Variants in AKNAD1 observed in about 807,000 individuals in gnomAD.
The protein encoded by AKNAD1 is AKNA domain containing 1, also known as protein AKNAD1.
In AKNAD1, 67 loss-of-function variants were observed where a neutral mutation model predicts 90.8. That is an observed-to-expected ratio of 0.74 (90% CI 0.61 to 0.90). The LOEUF (loss-of-function observed/expected upper bound fraction) is 0.90, where lower values mean the gene tolerates loss of function less well. Among genes scored for constraint, AKNAD1 ranks in the 40% least tolerant of loss-of-function variants. The pLI, the probability that AKNAD1 is intolerant of heterozygous loss-of-function variation, is 0.00. For missense variants in AKNAD1, 957 were observed against 975.4 expected (o/e 0.98, Z 0.25); for synonymous variants, 327 against 341.4 (o/e 0.96, Z 0.46).
chr1:108,852,142 T>C lies in AKNAD1; in HGVS notation c.523A>G (p.Lys175Glu). 1 of 1,614,176 alleles carries C rather than the reference T, an allele frequency of 6.2e-7. No individual in the cohort carries two copies. The highest frequency in any genetic ancestry group is 8.5e-7 in the Non-Finnish European group (1 of 1,180,038). The change falls in exon 2 of 16, where the codon AAA becomes GAA. Residue 175 changes from lysine (K) to glutamate (E), a missense_variant. Physicochemically the swap from Lys to Glu is moderately conservative, Grantham distance 56. Transcript: ENST00000370001. Reference sequence around the variant, plus strand: ...TTATTGCTGTTTTCACCATCCCTTTTCGGGTTGAGTTGGTCAGTGAGTTCT... The same window carrying C: ...TTATTGCTGTTTTCACCATCCCTTTCCGGGTTGAGTTGGTCAGTGAGTTCT... Reference protein sequence around the residue: ...TPELTDQLNPKRDGENSNKPG... With the variant: ...TPELTDQLNPERDGENSNKPG...
At chr1:108,830,485 C>T in intron 10 of AKNAD1, 74 bp downstream of exon 10, 2 of 1,432,222 alleles carry the variant, frequency 1.4e-6, no homozygotes, top group Non-Finnish European at 2.0e-6. Context: ...TAGTTGCCGC[C>T]CACTCTCACT....
At position 108,826,737 on chromosome 1, in the gene AKNAD1, TTTTTC is replaced by T. The variant is rs1220473758; in HGVS notation, c.1936+463_1936+467del. Among the ~76,000 whole-genome samples, 428 of 99,326 alleles carry T rather than the reference TTTTTC, an allele frequency of 4.3e-3. 4 individuals carry two copies. Among genetic ancestry groups the T allele is most frequent in the African/African-American group, 0.017 (396 of 23,652 alleles). The allele number at this position is 99,326 out of a possible 152,430, so 65.2% of individuals were successfully genotyped here. On this transcript the variant is annotated intron_variant, in intron 11 of 15. Coordinates refer to ENST00000370001, the MANE Select transcript of AKNAD1 (RefSeq NM_152763.5). Reference sequence around the variant, plus strand: ...GTGATTCTTTTTTTCTTTTCTTTTCTTTTTCTTTTTTTTTTTTTTTGAAACAGGGT... The same window carrying T: ...GTGATTCTTTTTTTCTTTTCTTTTCTTTTTTTTTTTTTTTTGAAACAGGGT...
intron 1 of AKNAD1, 27 bp from the exon 2 acceptor site, chr1:108,852,794 G>T: frequency 1.3e-6 from 1 of 765,534 alleles, no homozygotes. Context: ...CAGCCTCATT[G>T]TTAAATATAT....
At position 108,837,717 on chromosome 1, in the gene AKNAD1, A is replaced by T. The variant is rs1664428360; in HGVS notation, c.1380-11T>A. 1 of 1,613,820 alleles carries T rather than the reference A, an allele frequency of 6.2e-7. No individual in the cohort carries two copies. The highest frequency in any genetic ancestry group is 1.7e-5 in the Admixed American group (1 of 59,998). ...TCACCTTCCACTTTTCTAAGTAAACATAAACACACAGGCATCTTCTGGGCT... is the reference window on the plus strand; with the variant it reads ...TCACCTTCCACTTTTCTAAGTAAACTTAAACACACAGGCATCTTCTGGGCT... On this transcript the variant is annotated splice_polypyrimidine_tract_variant and intron_variant, in intron 6 of 15. Transcript: ENST00000370001.
intron 7 of AKNAD1, chr1:108,836,786 T>G (rs910438903): frequency 6.6e-6 from 1 of 152,256 alleles, no homozygotes; most frequent in African/African-American, 2.4e-5. Context: ...AGTCTGAATG[T>G]TCTGATAGTT....
Position 108,823,664 on chromosome 1 carries a change from C to A in AKNAD1, c.1961G>T (p.Cys654Phe). 2 of 1,613,840 alleles carry A rather than the reference C, an allele frequency of 1.2e-6. No homozygotes were observed. Among genetic ancestry groups the A allele is most frequent in the Non-Finnish European group, 1.7e-6 (2 of 1,179,888 alleles). ...CTGCATTTCAGTGCCAGAATCAGAA[C>A]AGAAGCTGTGTCCTGTATCAGAATC... ...TPNSDTGHSF[C>F]SDSGTEMQSN... Residue 654 changes from cysteine to phenylalanine, a missense_variant, in exon 12 of 16, where the codon TGT becomes TTT. By Grantham distance (205) the Cys-to-Phe change is radical. Coordinates refer to ENST00000370001, the MANE Select transcript of AKNAD1 (RefSeq NM_152763.5).
Position 108,821,029 on chromosome 1 carries a change from T to G in AKNAD1, c.2168-403A>C, listed in dbSNP as rs1663796880. ...TAGAGCCCAGAAGTTCAAGGAAGCATTGAGCTATGATCACATCACTGCCCT... is the reference window on the plus strand; with the variant it reads ...TAGAGCCCAGAAGTTCAAGGAAGCAGTGAGCTATGATCACATCACTGCCCT... On this transcript the variant is annotated intron_variant, in intron 13 of 15. Transcript: ENST00000370001. Among the ~76,000 whole-genome samples, 3 of 152,254 alleles carry G rather than the reference T, an allele frequency of 2.0e-5. No individual in the cohort carries two copies. The South Asian group carries it at 6.2e-4, about 32-fold the overall frequency.
chr1:108,830,395 A>ATC (rs1383690103), intron 10 of AKNAD1, among the ~76,000 whole-genome samples, 164 bp downstream of exon 10: 1 of 152,064 alleles, frequency 6.6e-6, no homozygotes, highest in Admixed American at 6.6e-5. Context: ...CTGCTAGAGG[A>ATC]TCTGTAGGGT....
intron 13 of AKNAD1, among the ~76,000 whole-genome samples, chr1:108,822,163 G>A (rs538774142): frequency 7.4e-4 from 113 of 152,220 alleles, no homozygotes; most frequent in Middle Eastern, 3.4e-3. Context: ...CACCTGGTCC[G>A]GTTCTAGTCC....
At chr1:108,855,425 CAT>C (rs1042085845) in intron 1 of AKNAD1, among the ~76,000 whole-genome samples, 4 of 151,402 alleles carry the variant, frequency 2.6e-5, no homozygotes, top group African/African-American at 7.3e-5. Flanking sequence ...ACAAAAAAGA[CAT>C]AATCTCTACA....
Position 108,823,641 on chromosome 1 carries a change from G to T in AKNAD1, c.1984C>A (p.Gln662Lys). The T allele has an allele frequency of 6.2e-7, 1 of 1,614,138 alleles. No individual in the cohort carries two copies. Among genetic ancestry groups the T allele is most frequent in the Non-Finnish European group, 8.5e-7 (1 of 1,180,020 alleles). Residue 662 changes from glutamine (Q) to lysine (K), a missense_variant, in exon 12 of 16, where the codon CAG (glutamine) becomes AAG (lysine). Physicochemically the swap from Gln to Lys is moderately conservative, Grantham distance 53 (BLOSUM62 1). Transcript: ENST00000370001. ...SFCSDSGTEMQSNKCQDCGTK... is the reference protein window; with the variant it reads ...SFCSDSGTEMKSNKCQDCGTK... The stretch of plus-strand genomic sequence containing the variant: ...CCACAGTCCTGACATTTGTTACTCT[G>T]CATTTCAGTGCCAGAATCAGAACAG...
At chr1:108,823,812 C>G (rs1005224808) in intron 11 of AKNAD1, 124 bp from the exon 12 acceptor site, 55 of 1,454,514 alleles carry the variant, frequency 3.8e-5, no homozygotes, top group Non-Finnish European at 4.8e-5. Flanking sequence ...CTTAATGTCC[C>G]GGCTGTGTCA....
In AKNAD1 at chr1:108,833,790, T is replaced by TA. The variant is rs1664286861; in HGVS notation, c.1746+656dup. Among the ~76,000 whole-genome samples, 7 of 151,986 alleles carry TA rather than the reference T, an allele frequency of 4.6e-5. No individual in the cohort carries two copies. In the South Asian group the frequency reaches 1.5e-3, roughly 32 times the overall value. ...ACAGGGTTACTCCTCCACTGACATTTAAGGCAGATTTACATTAGCAGAATG... is the reference window on the plus strand; with the variant it reads ...ACAGGGTTACTCCTCCACTGACATTTAAAGGCAGATTTACATTAGCAGAATG... On this transcript the variant is annotated intron_variant, in intron 9 of 15. Coordinates refer to ENST00000370001, the MANE Select transcript of AKNAD1 (RefSeq NM_152763.5).
At chr1:108,846,179 G>A (rs12403412) in intron 5 of AKNAD1, among the ~76,000 whole-genome samples, 11,653 of 152,110 alleles carry the variant, frequency 0.077, 510 homozygotes, top group Non-Finnish European at 0.084. Flanking sequence ...AGGCTGAGGC[G>A]GTTGCTTGTA....
intron 6 of AKNAD1, among the ~76,000 whole-genome samples, chr1:108,839,010 A>T (rs190507631): frequency 9.2e-5 from 14 of 152,326 alleles, no homozygotes; most frequent in Middle Eastern, 3.4e-3. Context: ...ACATAGTTTA[A>T]AATGTAATTT....
chr1:108,852,577 T>C lies in AKNAD1; in HGVS notation c.88A>G (p.Asn30Asp). 6.2e-7 allele frequency: 1 copy of C among 1,613,668 alleles called. No homozygotes were observed. The highest frequency in any genetic ancestry group is 8.5e-7 in the Non-Finnish European group (1 of 1,179,862). The change falls in exon 2 of 16, where the codon AAT becomes GAT. Residue 30 changes from asparagine (N) to aspartate (D), a missense_variant. Physicochemically the swap from Asn to Asp is conservative, Grantham distance 23. Transcript: ENST00000370001. The part of the protein sequence containing the change: ...DGDLSQIKIG[N>D]DYSFTSKKDG... ...TTTTTTGAGGTAAAACTGTAATCAT[T>C]GCCTATCTTAATCTGAGAGAGGTCC...
At chr1:108,825,796 T>G (rs1392117071) in intron 11 of AKNAD1, among the ~76,000 whole-genome samples, 1 of 151,814 alleles carries the variant, frequency 6.6e-6, no homozygotes, top group Non-Finnish European at 1.5e-5. Context: ...TAAAAGATAA[T>G]TTTATTTATT....
chr1:108,825,648 C>T (rs1207283226), intron 11 of AKNAD1, among the ~76,000 whole-genome samples: 2 of 151,614 alleles, frequency 1.3e-5, no homozygotes, highest in African/African-American at 4.8e-5. Context: ...ACATTCAGTC[C>T]ACTGCAGATG....
chr1:108,857,145 G>C (rs1162485897), upstream of AKNAD1: 1 of 152,194 alleles, frequency 6.6e-6, no homozygotes, highest in Non-Finnish European at 1.5e-5. Context: ...ACCATTATGT[G>C]CTCAGCAATA....
Sources: allele counts gnomAD v4.1 joint callset (sites outside exome capture counted in the v4.1 genomes callset), GRCh38; gene constraint gnomAD v4.1.1; transcripts MANE v1.5; gene names NCBI Gene and HGNC (gene_info 2026-07-23, HGNC 2026-07-21).